SERPING1: variants seen among roughly 807,000 people sequenced by gnomAD.
The protein encoded by SERPING1 is serpin family G member 1.
In SERPING1, 5 loss-of-function variants were observed where a neutral mutation model predicts 34.1. The observed-to-expected ratio is 0.15, with a 90% CI of 0.08 to 0.31. The LOEUF (loss-of-function observed/expected upper bound fraction) is 0.31. SERPING1 is among the 10% of genes least tolerant of loss of function. SERPING1 has a pLI of 1.00. For synonymous variants in SERPING1, 225 were observed against 242.4 expected (o/e 0.93, Z 0.67); for missense variants, 505 against 609.5 (o/e 0.83, Z 1.81).
rs554131280 is a variant in SERPING1 at position 57,606,397 on chromosome 11, C to T, written c.890-11C>T. 6 of 1,614,158 alleles carry T rather than the reference C, an allele frequency of 3.7e-6. No homozygotes were observed. In the African/African-American group the frequency reaches 6.7e-5, roughly 18 times the overall value. On this transcript the variant is annotated splice_polypyrimidine_tract_variant and intron_variant, in intron 5 of 7. Coordinates refer to ENST00000278407, the MANE Select transcript of SERPING1 (RefSeq NM_000062.3). ...CTGCATTAGAGCAACCCTCCCACCT[C>T]TTCCCTCTAGCCAAGTGGAAGACAA...
In SERPING1 at chr11:57,611,834, A is replaced by C. The variant is rs746382640; in HGVS notation, c.1147A>C (p.Met383Leu). 1.2e-6 allele frequency: 2 copies of C among 1,614,180 alleles called. No homozygotes were observed. Among genetic ancestry groups the C allele is most frequent in the South Asian group, 1.1e-5 (1 of 91,080 alleles). ...ALSPSVFKAI[M>L]EKLEMSKFQP... ...CAGCCCTTCTGTTTTCAAGGCCATC[A>C]TGGAGAAACTGGAGATGTCCAAGTT... is the stretch of plus-strand genomic sequence containing the variant. The change falls in exon 7 of 8, where the codon ATG (methionine) becomes CTG (leucine). Residue 383 changes from methionine (M) to leucine (L), a missense_variant. Coordinates refer to ENST00000278407, the MANE Select transcript of SERPING1 (RefSeq NM_000062.3).
In SERPING1 at chr11:57,606,130, A is replaced by G. The variant is rs1482860201; in HGVS notation, c.806A>G (p.Asn269Ser). The change falls in exon 5 of 8, where the codon AAC (asparagine) becomes AGC (serine). Residue 269 changes from asparagine (N) to serine (S), a missense_variant. Physicochemically the swap from Asn to Ser is conservative, Grantham distance 46 (BLOSUM62 1). Coordinates refer to ENST00000278407, the MANE Select transcript of SERPING1 (RefSeq NM_000062.3). ...CTCATCAACACCTGGGTGGCCAAGA[A>G]CACCAACAACAAGATCAGCCGGCTG... ...LELINTWVAK[N>S]TNNKISRLLD... 5 of 1,614,140 alleles carry G rather than the reference A, an allele frequency of 3.1e-6. No homozygotes were observed. The East Asian group carries it at 1.1e-4, about 36-fold the overall frequency.
chr11:57,598,243 C>G lies in SERPING1; in HGVS notation c.-22-6C>G. On this transcript the variant is annotated splice_polypyrimidine_tract_variant and splice_region_variant and intron_variant, in intron 1 of 7. Coordinates refer to ENST00000278407, the MANE Select transcript of SERPING1 (RefSeq NM_000062.3). The stretch of plus-strand genomic sequence containing the variant: ...GAGCTGGCTCCGAGGCTGGCTGGCT[C>G]CGCAGGTCCGCTGACGTCGCCGCCC... 6.5e-7 allele frequency: 1 copy of G among 1,544,068 alleles called. No homozygotes were observed. Among genetic ancestry groups the G allele is most frequent in the Non-Finnish European group, 8.8e-7 (1 of 1,142,464 alleles).
At chr11:57,598,566 G>A (rs1195759238) in intron 2 of SERPING1, among the ~76,000 whole-genome samples, 3 of 152,144 alleles carry the variant, frequency 2.0e-5, no homozygotes, top group African/African-American at 2.4e-5. Context: ...TCCTGAGGAC[G>A]TCACTTTTCT....
intron 6 of SERPING1, among the ~76,000 whole-genome samples, chr11:57,609,592 AT>A (rs1205395493): frequency 6.6e-6 from 1 of 152,106 alleles, no homozygotes; most frequent in Non-Finnish European, 1.5e-5. Context: ...AAAAAAAAAA[AT>A]AGGGTGATTT....
chr11:57,610,139 G>A (rs1264079421), intron 6 of SERPING1, among the ~76,000 whole-genome samples: 3 of 152,190 alleles, frequency 2.0e-5, no homozygotes, highest in South Asian at 2.1e-4. Context: ...GCATGTCAGA[G>A]TCTCTTAAAA....
intron 4 of SERPING1, among the ~76,000 whole-genome samples, chr11:57,604,865 G>T (rs1227127641): frequency 1.3e-5 from 2 of 151,816 alleles, no homozygotes; most frequent in Non-Finnish European, 2.9e-5. Context: ...AATTATCCGG[G>T]TGTGGTACGT....
intron 2 of SERPING1, 26 bp downstream of exon 2, chr11:57,598,347 G>A (rs1329012637): frequency 2.6e-6 from 4 of 1,548,918 alleles, no homozygotes; most frequent in East Asian, 2.4e-5. Context: ...TGGGATGGGG[G>A]ACGGGGGTGG....
chr11:57,600,620 G>A (rs946376910), intron 3 of SERPING1, among the ~76,000 whole-genome samples: 34 of 152,248 alleles, frequency 2.2e-4, no homozygotes, highest in African/African-American at 7.7e-4. Context: ...AAATAAGGTC[G>A]CAGCCACTAA....
rs143608058 is a variant in SERPING1 at position 57,600,191 on chromosome 11, T to C, written c.364T>C (p.Phe122Leu). 2.5e-6 allele frequency: 4 copies of C among 1,607,304 alleles called. No homozygotes were observed. In the African/African-American group the frequency reaches 5.5e-5, roughly 22 times the overall value. ...TCCTACCCAGCCCACTACTGGGTCC[T>C]TCTGCCCAGGACCTGTTACTCTCTG... is the stretch of plus-strand genomic sequence containing the variant. ...DSPTQPTTGSFCPGPVTLCSD... is the reference protein window; with the variant it reads ...DSPTQPTTGSLCPGPVTLCSD... The change falls in exon 3 of 8, where the codon TTC becomes CTC. Residue 122 changes from phenylalanine (F) to leucine (L), a missense_variant. Phe to Leu is a conservative substitution (Grantham distance 22). Coordinates refer to ENST00000278407, the MANE Select transcript of SERPING1 (RefSeq NM_000062.3).
chr11:57,612,672 C>T (rs1269488816), intron 7 of SERPING1, among the ~76,000 whole-genome samples: 1 of 151,906 alleles, frequency 6.6e-6, no homozygotes, highest in Non-Finnish European at 1.5e-5. Context: ...CTGCCTCGGC[C>T]TCCCAAAGTG....
intron 4 of SERPING1, among the ~76,000 whole-genome samples, chr11:57,603,816 G>C (rs928978667): frequency 6.9e-6 from 1 of 144,188 alleles, no homozygotes; most frequent in Non-Finnish European, 1.5e-5. Flanking sequence ...TCCAGCCTGG[G>C]CAACAGAGCG....
chr11:57,609,251 C>G (rs1403279951), intron 6 of SERPING1, among the ~76,000 whole-genome samples: 1 of 152,004 alleles, frequency 6.6e-6, no homozygotes, highest in Non-Finnish European at 1.5e-5. Flanking sequence ...GCACTCCAAC[C>G]TGGGCAACAC....
At chr11:57,612,471 C>T (rs1022954032) in intron 7 of SERPING1, among the ~76,000 whole-genome samples, 9 of 143,932 alleles carry the variant, frequency 6.3e-5, no homozygotes, top group Admixed American at 5.1e-4. Flanking sequence ...TGCAGTGGTG[C>T]GATCTCTGCT....
Position 57,614,316 on chromosome 11 carries a change from G to A in SERPING1, c.1250-12G>A, listed in dbSNP as rs368160088. 20 of 1,612,834 alleles carry A rather than the reference G, an allele frequency of 1.2e-5. No individual in the cohort carries two copies. In the African/African-American group the frequency reaches 1.7e-4, roughly 14 times the overall value. ...TGGCTTCTGACTCTGTTTTTCTCTGGTTTTGCCCTAGAATTCTTCGATTTT... is the reference window on the plus strand; with the variant it reads ...TGGCTTCTGACTCTGTTTTTCTCTGATTTTGCCCTAGAATTCTTCGATTTT... On this transcript the variant is annotated splice_polypyrimidine_tract_variant and intron_variant, in intron 7 of 7. Transcript: ENST00000278407.
At chr11:57,606,272 T>C in intron 5 of SERPING1, 59 bp downstream of exon 5, 1 of 1,607,208 alleles carries the variant, frequency 6.2e-7, no homozygotes, top group Non-Finnish European at 8.5e-7. Flanking sequence ...CCCTCCTGGC[T>C]TCAAAGCCCA....
Position 57,599,885 on chromosome 11 carries a change from G to A in SERPING1, c.58G>A (p.Ala20Thr). ...TCAGTTTCTTGAACCACAGGATAGAGCCTCCTCAAATCCAAATGCTACCAG... is the reference window on the plus strand; with the variant it reads ...TCAGTTTCTTGAACCACAGGATAGAACCTCCTCAAATCCAAATGCTACCAG... ...LLLLLLAGDR[A>T]SSNPNATSSS... The change falls in exon 3 of 8, where the codon GCC becomes ACC. Residue 20 changes from alanine to threonine, a missense_variant. Ala to Thr is a moderately conservative substitution (Grantham distance 58). Coordinates refer to ENST00000278407, the MANE Select transcript of SERPING1 (RefSeq NM_000062.3). 1 of 1,614,150 alleles carries A rather than the reference G, an allele frequency of 6.2e-7. No homozygotes were observed. Among genetic ancestry groups the A allele is most frequent in the South Asian group, 1.1e-5 (1 of 91,082 alleles).
intron 7 of SERPING1, among the ~76,000 whole-genome samples, chr11:57,614,102 G>A (rs1443364010): frequency 6.6e-6 from 1 of 152,030 alleles, no homozygotes; most frequent in Non-Finnish European, 1.5e-5. Flanking sequence ...GTTGTTTTAG[G>A]GATGAGGGGC....
intron 4 of SERPING1, among the ~76,000 whole-genome samples, chr11:57,603,162 G>A (rs1427110752): frequency 1.3e-5 from 2 of 150,972 alleles, no homozygotes; most frequent in Admixed American, 6.6e-5. Context: ...GAACCCAAGA[G>A]AGTGAAGGTT....
Sources: gnomAD v4.1 joint callset for allele counts (sites outside exome capture counted in the v4.1 genomes callset) on GRCh38, gnomAD v4.1.1 for gene constraint, MANE v1.5 for transcripts, NCBI Gene and HGNC (gene_info 2026-07-23, HGNC 2026-07-21) for gene names.